Variants in TMTC1 observed in about 807,000 individuals in gnomAD.
TMTC1 encodes the protein transmembrane O-mannosyltransferase targeting cadherins 1, also known as protein O-mannosyl-transferase TMTC1.
TMTC1 carries 73 observed loss-of-function variants against 104.8 expected under a neutral mutation model. That is an observed-to-expected ratio of 0.70 (90% CI 0.58 to 0.85). The LOEUF (loss-of-function observed/expected upper bound fraction) is 0.85. Among genes scored for constraint, TMTC1 ranks in the 40% least tolerant of loss-of-function variants. The pLI is 0.00. For synonymous variants in TMTC1, 434 were observed against 428.7 expected, an observed-to-expected ratio of 1.01 and a Z score of -0.15; for missense variants, 1,035 against 1,096.1, an observed-to-expected ratio of 0.94 and a Z score of 0.79.
At chr12:29,630,730 A>G (rs912116894) in intron 6 of TMTC1, among the ~76,000 whole-genome samples, 1 of 152,226 alleles carries the variant, frequency 6.6e-6, no homozygotes, top group South Asian at 2.1e-4. Flanking sequence ...AGCTGTATGA[A>G]TATTCACAGA....
intron 5 of TMTC1, among the ~76,000 whole-genome samples, chr12:29,670,891 T>C (rs1408436935): frequency 2.2e-5 from 3 of 139,228 alleles, no homozygotes; most frequent in Admixed American, 7.5e-5. Context: ...GCTGAGATCG[T>C]GCCACTGCAT....
At chr12:29,605,514 A>C (rs1368688388) in intron 6 of TMTC1, among the ~76,000 whole-genome samples, 1 of 151,418 alleles carries the variant, frequency 6.6e-6, no homozygotes, top group African/African-American at 2.4e-5. Context: ...AGGAAGAAAA[A>C]AATAGATTAT....
At chr12:29,513,961 T>A (rs1018790067) in intron 16 of TMTC1, among the ~76,000 whole-genome samples, 1 of 152,124 alleles carries the variant, frequency 6.6e-6, no homozygotes, top group Non-Finnish European at 1.5e-5. Flanking sequence ...TTCAAACGAC[T>A]GGTACCTTCA....
intron 5 of TMTC1, among the ~76,000 whole-genome samples, chr12:29,723,728 C>T (rs1003539476): frequency 3.3e-5 from 5 of 151,284 alleles, no homozygotes; most frequent in South Asian, 2.1e-4. Context: ...AAGGAAAAAA[C>T]GAGAGAGAGA....
chr12:29,576,679 G>A (rs1331539897), intron 8 of TMTC1, among the ~76,000 whole-genome samples: 2 of 152,144 alleles, frequency 1.3e-5, no homozygotes, highest in Non-Finnish European at 2.9e-5. Context: ...TTGCAGTTAT[G>A]TAGATGACTA....
At chr12:29,570,026 C>T (rs1036099053) in intron 9 of TMTC1, among the ~76,000 whole-genome samples, 2 of 152,126 alleles carry the variant, frequency 1.3e-5, no homozygotes, top group African/African-American at 4.8e-5. Context: ...TGAGGGTCTG[C>T]CTTACTTTTC....
At chr12:29,510,526 C>T (rs986089366) in intron 17 of TMTC1, among the ~76,000 whole-genome samples, 1 of 152,146 alleles carries the variant, frequency 6.6e-6, no homozygotes, top group Non-Finnish European at 1.5e-5. Flanking sequence ...AGAGCTTGGG[C>T]AATTTGGCTC....
At chr12:29,715,675 G>A (rs553612286) in intron 5 of TMTC1, among the ~76,000 whole-genome samples, 2 of 152,236 alleles carry the variant, frequency 1.3e-5, no homozygotes, top group South Asian at 4.1e-4. Context: ...CCAAGACTGG[G>A]TAATTTATAA....
In TMTC1 at chr12:29,501,248, A is replaced by G. The variant is rs1943583752; in HGVS notation, c.*5598T>C. ...CACAAACTGCAAAATAGGAGTAACT[A>G]CCTCTGCCATGTTCAAGCACTTGGG... On this transcript the variant is annotated 3_prime_UTR_variant, in exon 18 of 18. Coordinates refer to ENST00000539277, the MANE Select transcript of TMTC1 (RefSeq NM_001193451.2). 1 of 152,246 alleles carries G rather than the reference A, an allele frequency of 6.6e-6. No homozygotes were observed. The highest frequency in any genetic ancestry group is 6.5e-5 in the Admixed American group (1 of 15,286). The allele number at this position is 152,246 out of a possible 1,614,324, so 9.4% of individuals were successfully genotyped here.
chr12:29,629,047 C>T (rs1249443658), intron 6 of TMTC1, among the ~76,000 whole-genome samples: 2 of 151,066 alleles, frequency 1.3e-5, no homozygotes, highest in Non-Finnish European at 2.9e-5. Flanking sequence ...GGGCCGGGCA[C>T]GGTGGCTCAC....
At chr12:29,765,563 C>T (rs1943444178) in intron 2 of TMTC1, among the ~76,000 whole-genome samples, 1 of 151,946 alleles carries the variant, frequency 6.6e-6, no homozygotes, top group African/African-American at 2.4e-5. Context: ...TTTCTTTTGA[C>T]CATAAGCCTC....
chr12:29,661,152 A>G (rs1168926847), intron 5 of TMTC1, among the ~76,000 whole-genome samples: 2 of 152,320 alleles, frequency 1.3e-5, no homozygotes, highest in South Asian at 2.1e-4. Context: ...ACCTCACAGG[A>G]AAGTTGGGAG....
intron 9 of TMTC1, among the ~76,000 whole-genome samples, chr12:29,562,585 A>T (rs1945404162): frequency 6.6e-6 from 1 of 152,192 alleles, no homozygotes; most frequent in Non-Finnish European, 1.5e-5. Flanking sequence ...GTGGCAGAAT[A>T]GATAGGAAAC....
intron 5 of TMTC1, among the ~76,000 whole-genome samples, chr12:29,737,780 T>C (rs1942719634): frequency 6.6e-6 from 1 of 152,136 alleles, no homozygotes; most frequent in Admixed American, 6.5e-5. Flanking sequence ...TGATATGAGC[T>C]CCCGGAGCCT....
At chr12:29,725,960 G>A (rs11050411) in intron 5 of TMTC1, among the ~76,000 whole-genome samples, 9,543 of 152,300 alleles carry the variant, frequency 0.063, 399 homozygotes, top group South Asian at 0.16. Context: ...CCTGCTGGAA[G>A]GAGAAGAATT....
intron 5 of TMTC1, among the ~76,000 whole-genome samples, chr12:29,682,935 T>C (rs2136722020): frequency 6.6e-6 from 1 of 152,322 alleles, no homozygotes; most frequent in South Asian, 2.1e-4. Flanking sequence ...GTACTATAGC[T>C]ATGTACAATG....
At chr12:29,654,930 C>A (rs148489846) in intron 5 of TMTC1, among the ~76,000 whole-genome samples, 132 of 152,244 alleles carry the variant, frequency 8.7e-4, no homozygotes, top group African/African-American at 3.1e-3. Flanking sequence ...TGTCACCAGG[C>A]TAGAGTGCAG....
rs896063732 is a variant in TMTC1, at chr12:29,720,028, C to A, written c.938+31638G>T. 3.9e-5 allele frequency among the ~76,000 whole-genome samples: 6 copies of A among 152,122 alleles called. No individual in the cohort carries two copies. The South Asian group carries it at 1.2e-3, about 32-fold the overall frequency. On this transcript the variant is annotated intron_variant, in intron 5 of 17. Coordinates refer to ENST00000539277, the MANE Select transcript of TMTC1 (RefSeq NM_001193451.2). ...CAGGGTTGCATGTCTTAAGGAACAA[C>A]CCCATCTTGAGGACTCAGTAACTTA...
intron 7 of TMTC1, among the ~76,000 whole-genome samples, chr12:29,585,368 A>G (rs1307804089): frequency 2.6e-5 from 4 of 152,092 alleles, no homozygotes; most frequent in African/African-American, 9.7e-5. Flanking sequence ...AGGTTGCAAA[A>G]ATTTTCTCCC....
Sources: gnomAD v4.1 joint callset for allele counts (sites outside exome capture counted in the v4.1 genomes callset) on GRCh38, gnomAD v4.1.1 for gene constraint, MANE v1.5 for transcripts, NCBI Gene and HGNC (gene_info 2026-07-23, HGNC 2026-07-21) for gene names.